The following TSHZ3 variants were observed in gnomAD, a reference collection of about 807,000 sequenced individuals.
TSHZ3 encodes the protein teashirt zinc finger homeobox 3, also known as teashirt homolog 3.
A neutral mutation model predicts 64.5 loss-of-function variants in TSHZ3; 10 were observed. The ratio of observed to expected loss-of-function variants is 0.16; its 90% confidence interval spans 0.10 to 0.26. TSHZ3 has a LOEUF of 0.26. Ranked by LOEUF, TSHZ3 falls within the 10% of genes least tolerant of loss-of-function variation. TSHZ3 has a pLI of 1.00. For missense variants in TSHZ3, 1,242 were observed against 1,421.7 expected, an observed-to-expected ratio of 0.87 and a Z score of 2.03; for synonymous variants, 608 against 593.1, an observed-to-expected ratio of 1.03 and a Z score of -0.36.
rs57786560 is a variant in TSHZ3, at chr19:31,337,013, ATTTTTT to A, written c.40+12161_40+12166del. 2.3e-5 allele frequency among the ~76,000 whole-genome samples: 3 copies of A among 131,448 alleles called. No individual in the cohort carries two copies. The South Asian group carries it at 7.1e-4, about 31-fold the overall frequency. The allele number at this position is 131,448 out of a possible 152,430, so 86.2% of individuals were successfully genotyped here. On this transcript the variant is annotated intron_variant, in intron 1 of 1. Transcript: ENST00000240587. Reference sequence around the variant, plus strand: ...TCTTCCTTTCTTTTTCTTTTTTTCTATTTTTTTTTTTTTTTTTTACAGGCAACCCAG... The same window carrying A: ...TCTTCCTTTCTTTTTCTTTTTTTCTATTTTTTTTTTTTACAGGCAACCCAG...
At chr19:31,252,336 CGT>C (rs1310124167) in intron 1 of TSHZ3, among the ~76,000 whole-genome samples, 3 of 152,100 alleles carry the variant, frequency 2.0e-5, no homozygotes, top group Non-Finnish European at 4.4e-5. Flanking sequence ...CCAGCTCCCC[CGT>C]GTGTCTCTTG....
At chr19:31,346,792 A>AC (rs766632726) in intron 1 of TSHZ3, among the ~76,000 whole-genome samples, 1 of 143,958 alleles carries the variant, frequency 6.9e-6, no homozygotes, top group African/African-American at 2.6e-5. Context: ...CAAACAAACC[A>AC]CCCCCAAAAA....
intron 1 of TSHZ3, among the ~76,000 whole-genome samples, chr19:31,334,006 G>A (rs1454992334): frequency 2.0e-5 from 3 of 152,170 alleles, no homozygotes; most frequent in African/African-American, 7.2e-5. Context: ...ACATCAGAAA[G>A]TATGGAGCTC....
chr19:31,192,652 C>A (rs530862225), intron 5 of TSHZ3, among the ~76,000 whole-genome samples: 3 of 152,194 alleles, frequency 2.0e-5, no homozygotes, highest in Admixed American at 2.0e-4. Context: ...TGTTTTGGGG[C>A]CAACTTTATT....
chr19:31,349,425 G>T lies in TSHZ3; in HGVS notation c.-206C>A. ...GCTCCGCCGCGAACCCCGAACGTGCGGAGGGAAGAAGGAGGGCGGGCGAGG... is the reference window on the plus strand; with the variant it reads ...GCTCCGCCGCGAACCCCGAACGTGCTGAGGGAAGAAGGAGGGCGGGCGAGG... On this transcript the variant is annotated 5_prime_UTR_variant, in exon 1 of 2. Transcript: ENST00000240587. 1 of 414,206 alleles carries T rather than the reference G, an allele frequency of 2.4e-6. No individual in the cohort carries two copies. Among genetic ancestry groups the T allele is most frequent in the Non-Finnish European group, 4.1e-6 (1 of 241,138 alleles). The allele number at this position is 414,206 out of a possible 1,614,324, so 25.7% of individuals were successfully genotyped here.
intron 1 of TSHZ3, among the ~76,000 whole-genome samples, chr19:31,244,098 A>G (rs1368724452): frequency 3.3e-5 from 5 of 152,178 alleles, no homozygotes; most frequent in Admixed American, 1.3e-4. Flanking sequence ...AACTTTATAT[A>G]TAACAATGAC....
intron 5 of TSHZ3, among the ~76,000 whole-genome samples, chr19:31,194,919 T>TA (rs1214124816): frequency 6.6e-6 from 1 of 151,972 alleles, no homozygotes; most frequent in Non-Finnish European, 1.5e-5. Context: ...ATGCTGGAGA[T>TA]AAAAAACACT....
At chr19:31,237,538 G>GT (rs758347773) in intron 3 of TSHZ3, among the ~76,000 whole-genome samples, 3 of 151,430 alleles carry the variant, frequency 2.0e-5, no homozygotes, top group Non-Finnish European at 2.9e-5. Context: ...ATTTTATTAA[G>GT]TTTGTTTTCA....
chr19:31,229,705 G>A (rs113669086), intron 3 of TSHZ3, among the ~76,000 whole-genome samples: 2,196 of 152,236 alleles, frequency 0.014, 53 homozygotes, highest in African/African-American at 0.048. Context: ...AACTTGCAAT[G>A]TATGTAACAA....
At chr19:31,205,969 G>A (rs1262046011) in intron 4 of TSHZ3, among the ~76,000 whole-genome samples, 1 of 152,206 alleles carries the variant, frequency 6.6e-6, no homozygotes, top group African/African-American at 2.4e-5. Flanking sequence ...GTGGGTGGAT[G>A]AGTAGGTGTG....
At chr19:31,227,969 C>A (rs961251400) in intron 4 of TSHZ3, among the ~76,000 whole-genome samples, 1 of 152,164 alleles carries the variant, frequency 6.6e-6, no homozygotes, top group East Asian at 1.9e-4. Context: ...TCCATCCACA[C>A]GGACCCCCAA....
At chr19:31,281,728 G>C (rs994672803) in intron 1 of TSHZ3, among the ~76,000 whole-genome samples, 1 of 152,182 alleles carries the variant, frequency 6.6e-6, no homozygotes, top group Non-Finnish European at 1.5e-5. Flanking sequence ...TGCATGTGTT[G>C]GAAAAGAATA....
intron 1 of TSHZ3, among the ~76,000 whole-genome samples, chr19:31,333,336 GA>G (rs1917150403): frequency 6.6e-6 from 1 of 151,976 alleles, no homozygotes; most frequent in Admixed American, 6.6e-5. Flanking sequence ...CTCTCTGGGT[GA>G]AAATCAGCTC....
At chr19:31,156,767 G>T (rs1329187214) in intron 5 of TSHZ3, among the ~76,000 whole-genome samples, 1 of 152,156 alleles carries the variant, frequency 6.6e-6, no homozygotes, top group Non-Finnish European at 1.5e-5. Flanking sequence ...AAGATGTGAT[G>T]AAATAAAGTT....
At chr19:31,335,778 T>C (rs1420950088) in intron 1 of TSHZ3, among the ~76,000 whole-genome samples, 1 of 152,192 alleles carries the variant, frequency 6.6e-6, no homozygotes, top group Non-Finnish European at 1.5e-5. Context: ...TCTGGGTCTC[T>C]CTCTACATAT....
At chr19:31,228,346 T>C (rs566312785) in intron 3 of TSHZ3, among the ~76,000 whole-genome samples, 1 of 151,982 alleles carries the variant, frequency 6.6e-6, no homozygotes, top group South Asian at 2.1e-4. Context: ...GGCAACATAG[T>C]GAAACCCTAT....
chr19:31,237,475 GTTTA>G (rs1211663212), intron 3 of TSHZ3, among the ~76,000 whole-genome samples: 1 of 151,776 alleles, frequency 6.6e-6, no homozygotes, highest in Non-Finnish European at 1.5e-5. Context: ...CTCTAATACT[GTTTA>G]TTTGTTTTCT....
chr19:31,178,522 A>G (rs376406096), intron 5 of TSHZ3, among the ~76,000 whole-genome samples: 26 of 152,286 alleles, frequency 1.7e-4, no homozygotes, highest in African/African-American at 6.0e-4. Context: ...TCTACTAAAA[A>G]TACAAAAGTA....
In TSHZ3 at chr19:31,163,688, A is replaced by G. The variant is rs113483913; in HGVS notation, n.810-7271T>C. Among the ~76,000 whole-genome samples, 4 of 152,326 alleles carry G rather than the reference A, an allele frequency of 2.6e-5. 1 individual carries two copies. Among genetic ancestry groups the G allele is most frequent in the African/African-American group, 9.6e-5 (4 of 41,572 alleles). On this transcript the variant is annotated intron_variant and non_coding_transcript_variant, in intron 5 of 6. Transcript: ENST00000651361. ...AGAGGTTTCAGTGAGCTGAGATGGTACCACTGCACTCCAATCTGGGTGACA... is the reference window on the plus strand; with the variant it reads ...AGAGGTTTCAGTGAGCTGAGATGGTGCCACTGCACTCCAATCTGGGTGACA...
Sources: gnomAD v4.1 joint callset for allele counts (sites outside exome capture counted in the v4.1 genomes callset) on GRCh38, gnomAD v4.1.1 for gene constraint, MANE v1.5 for transcripts, NCBI Gene and HGNC (gene_info 2026-07-23, HGNC 2026-07-21) for gene names.